CCDC92: variants seen among roughly 807,000 people sequenced by gnomAD.
CCDC92 encodes the protein coiled-coil domain-containing protein 92.
A neutral mutation model predicts 24.9 loss-of-function variants in CCDC92; 12 were observed. The ratio of observed to expected loss-of-function variants is 0.48; its 90% CI spans 0.31 to 0.78. The LOEUF (loss-of-function observed/expected upper bound fraction) is 0.78. Ranked by LOEUF, CCDC92 falls within the 30% of genes least tolerant of loss-of-function variation. CCDC92 has a pLI of 0.05. For synonymous variants in CCDC92, 193 were observed against 196.3 expected (o/e 0.98, Z 0.14); for missense variants, 399 against 439.4 (o/e 0.91, Z 0.82).
intron 1 of CCDC92, chr12:123,971,307 C>G (rs184440688): frequency 4.7e-4 from 71 of 151,264 alleles, no homozygotes; most frequent in Non-Finnish European, 8.0e-4. Flanking sequence ...AACAGTTAGC[C>G]AAAAGAATTA....
intron 1 of CCDC92, among the ~76,000 whole-genome samples, chr12:123,958,288 G>A (rs1956196735): frequency 6.6e-6 from 1 of 151,662 alleles, no homozygotes; most frequent in Non-Finnish European, 1.5e-5. Flanking sequence ...CCCGACCTCA[G>A]GTGATCCTCC....
chr12:123,965,330 C>A (rs1016077459), intron 1 of CCDC92, among the ~76,000 whole-genome samples: 4 of 152,218 alleles, frequency 2.6e-5, no homozygotes, highest in African/African-American at 9.7e-5. Flanking sequence ...CTTTGGGATG[C>A]AATCTCTTCT....
At position 123,937,027 on chromosome 12, in the gene CCDC92, A is replaced by G. The variant is rs771878461; in HGVS notation, c.*31T>C. On this transcript the variant is annotated 3_prime_UTR_variant, in exon 5 of 5. Transcript: ENST00000238156. This position sits in a 1 kb window ranked among gnomAD's most constrained non-coding sequence, Gnocchi z 8.4. ...GATTTCCCAGTGGTGCTCACAGTGC[A>G]TGGACAGCGCGGGGTGGGGCACGGC... The G allele has an allele frequency of 1.9e-6, 3 of 1,611,890 alleles. No homozygotes were observed. The highest frequency in any genetic ancestry group is 2.7e-5 in the African/African-American group (2 of 74,870).
chr12:123,963,175 G>C (rs941772278), intron 1 of CCDC92, among the ~76,000 whole-genome samples: 2 of 152,220 alleles, frequency 1.3e-5, no homozygotes, highest in Non-Finnish European at 2.9e-5. Context: ...GGCCCCAAAG[G>C]TCAAGAGAGT....
In CCDC92 at chr12:123,948,565, G is replaced by A. The variant is rs564008086; in HGVS notation, c.-59-4201C>T. On this transcript the variant is annotated intron_variant, in intron 1 of 4. Transcript: ENST00000238156. ...CACAGTGAGCGCTGGTGAGCCACTC[G>A]GAGCCCTCACAGTGGGGGACAAGGG... Among the ~76,000 whole-genome samples the A allele has an allele frequency of 3.9e-5, 6 of 152,290 alleles. No homozygotes were observed. The South Asian group carries it at 6.2e-4, about 16-fold the overall frequency.
chr12:123,944,310 C>A lies in CCDC92; in HGVS notation c.-5G>T. 6.3e-7 allele frequency: 1 copy of A among 1,579,974 alleles called. No homozygotes were observed. Among genetic ancestry groups the A allele is most frequent in the Non-Finnish European group, 8.6e-7 (1 of 1,167,570 alleles). On this transcript the variant is annotated 5_prime_UTR_variant, in exon 2 of 5. Transcript: ENST00000238156. ...CGAGAAATGTGGTGAAGTCATGGGTCTTTCTGGAAAAGCTACCAGAGTAAT... is the reference window on the plus strand; with the variant it reads ...CGAGAAATGTGGTGAAGTCATGGGTATTTCTGGAAAAGCTACCAGAGTAAT...
At chr12:123,952,622 C>G (rs1956054195) in intron 1 of CCDC92, among the ~76,000 whole-genome samples, 1 of 152,178 alleles carries the variant, frequency 6.6e-6, no homozygotes, top group African/African-American at 2.4e-5. Flanking sequence ...CCTATTATTC[C>G]TACTTGTACA....
At chr12:123,955,923 A>T (rs1410144400) in intron 1 of CCDC92, among the ~76,000 whole-genome samples, 1 of 152,234 alleles carries the variant, frequency 6.6e-6, no homozygotes, top group Non-Finnish European at 1.5e-5. Flanking sequence ...TGTGGTAGAA[A>T]GAGCTCTGCC....
intron 4 of CCDC92, among the ~76,000 whole-genome samples, chr12:123,938,892 C>A (rs1020262819): frequency 6.6e-6 from 1 of 152,172 alleles, no homozygotes. Flanking sequence ...AGTGCTGCCC[C>A]CTCCCTGCTC....
intron 1 of CCDC92, among the ~76,000 whole-genome samples, chr12:123,949,287 T>C (rs1450892725): frequency 6.6e-6 from 1 of 152,252 alleles, no homozygotes; most frequent in Non-Finnish European, 1.5e-5. Context: ...ACAAATTGTG[T>C]GCTCTTTGTA....
intron 4 of CCDC92, among the ~76,000 whole-genome samples, chr12:123,938,404 C>T (rs1255198448): frequency 3.3e-5 from 5 of 152,110 alleles, no homozygotes; most frequent in Admixed American, 6.5e-5. Flanking sequence ...TGAGCTGTCT[C>T]GCCTCTGTGG....
intron 1 of CCDC92, among the ~76,000 whole-genome samples, chr12:123,964,799 AAG>A (rs1380617013): frequency 1.8e-4 from 27 of 152,304 alleles, no homozygotes; most frequent in Admixed American, 1.6e-3. Context: ...TATGACAACC[AAG>A]AGTCACTCTA....
chr12:123,936,986 GA>G lies in CCDC92; in HGVS notation c.*71del. 1.3e-6 allele frequency: 2 copies of G among 1,555,422 alleles called. No individual in the cohort carries two copies. Reference sequence around the variant, plus strand: ...TGTTTGGCATGCATGGGATTAAACAGAAAAGGTGTGGCTGAGATTTCCCAGT... The same window carrying G: ...TGTTTGGCATGCATGGGATTAAACAGAAAGGTGTGGCTGAGATTTCCCAGT... On this transcript the variant is annotated 3_prime_UTR_variant, in exon 5 of 5. Coordinates refer to ENST00000238156, the MANE Select transcript of CCDC92 (RefSeq NM_025140.3).
chr12:123,941,208 G>A (rs1955673582), intron 4 of CCDC92, among the ~76,000 whole-genome samples: 1 of 152,202 alleles, frequency 6.6e-6, no homozygotes, highest in Non-Finnish European at 1.5e-5. Flanking sequence ...GACGCTGGAG[G>A]TCCCTAGTGT....
intron 1 of CCDC92, chr12:123,967,898 C>T (rs1956430889): frequency 6.6e-6 from 1 of 152,158 alleles, no homozygotes; most frequent in African/African-American, 2.4e-5. Flanking sequence ...GCACAGGATG[C>T]ATTTAGAAAT....
chr12:123,970,120 G>C (rs974387000), intron 1 of CCDC92: 1 of 152,112 alleles, frequency 6.6e-6, no homozygotes, highest in African/African-American at 2.4e-5. Context: ...AGGTGTCTGC[G>C]GATGTTGCTA....
At chr12:123,954,352 T>G (rs1453395141) in intron 1 of CCDC92, among the ~76,000 whole-genome samples, 1 of 152,236 alleles carries the variant, frequency 6.6e-6, no homozygotes, top group Admixed American at 6.5e-5. Context: ...ATCCTTCATA[T>G]GTATTTTATT....
At position 123,970,993 on chromosome 12, in the gene CCDC92, G is replaced by C. The variant is rs192532275; in HGVS notation, c.-60+1536C>G. ...TTTATCCAACATGGCAGATGAAAGA[G>C]TTATAAACCCAAGATGAATGATTCG... On this transcript the variant is annotated intron_variant, in intron 1 of 4. Coordinates refer to ENST00000238156, the MANE Select transcript of CCDC92 (RefSeq NM_025140.3). 3.3e-3 allele frequency among the ~76,000 whole-genome samples: 502 copies of C among 152,188 alleles called. 10 individuals carry two copies. Among genetic ancestry groups the C allele is most frequent in the Non-Finnish European group, 1.3e-3 (85 of 67,974 alleles).
Position 123,948,816 on chromosome 12 carries a change from T to C in CCDC92, c.-59-4452A>G, listed in dbSNP as rs528684530. Among the ~76,000 whole-genome samples, 4 of 152,274 alleles carry C rather than the reference T, an allele frequency of 2.6e-5. No individual in the cohort carries two copies. The South Asian group carries it at 6.2e-4, about 24-fold the overall frequency. The stretch of plus-strand genomic sequence containing the variant: ...TCTCATCAGCTCAAAAGAGTAACAA[T>C]ATCACTGGCTTTCTGAGGGCAAAAG... On this transcript the variant is annotated intron_variant, in intron 1 of 4. Transcript: ENST00000238156.
Sources: allele counts gnomAD v4.1 joint callset (sites outside exome capture counted in the v4.1 genomes callset), GRCh38; gene constraint gnomAD v4.1.1; non-coding constraint Gnocchi (gnomAD v3.1); transcripts MANE v1.5; gene names NCBI Gene and HGNC (gene_info 2026-07-23, HGNC 2026-07-21).